Variants in PREX2 observed in about 807,000 individuals in gnomAD.
PREX2 encodes phosphatidylinositol-3,4,5-trisphosphate dependent Rac exchange factor 2.
A neutral mutation model predicts 203.2 loss-of-function variants in PREX2; 107 were observed. That is an observed-to-expected ratio of 0.53 (90% CI 0.45 to 0.62). The LOEUF is 0.62. Ranked by LOEUF, PREX2 falls within the 20% of genes least tolerant of loss-of-function variation. The pLI is 0.00. For synonymous variants in PREX2, 672 were observed against 663.6 expected, an observed-to-expected ratio of 1.01 and a Z score of -0.19; for missense variants, 1,777 against 1,955.9, an observed-to-expected ratio of 0.91 and a Z score of 1.72.
chr8:68,017,814 T>C, intron 1 of PREX2, 32 bp from the exon 2 acceptor site: 1 of 1,581,508 alleles, frequency 6.3e-7, no homozygotes, highest in Middle Eastern at 1.7e-4. Flanking sequence ...TAACCTAATG[T>C]TACCTTCATA....
At chr8:67,982,637 G>T (rs1429382721) in intron 1 of PREX2, among the ~76,000 whole-genome samples, 1 of 152,132 alleles carries the variant, frequency 6.6e-6, no homozygotes, top group Non-Finnish European at 1.5e-5. Context: ...CCTAATGAGA[G>T]CTGCTGATCA....
chr8:67,968,920 A>C (rs1805847282), intron 1 of PREX2, among the ~76,000 whole-genome samples: 1 of 152,204 alleles, frequency 6.6e-6, no homozygotes, highest in Admixed American at 6.5e-5. Context: ...GAAATAATGC[A>C]AGATACAGTG....
At chr8:68,169,131 C>T (rs894336907) in intron 35 of PREX2, among the ~76,000 whole-genome samples, 1 of 152,072 alleles carries the variant, frequency 6.6e-6, no homozygotes, top group Non-Finnish European at 1.5e-5. Flanking sequence ...AAGTTTCTTT[C>T]CTCTGTGTGG....
At chr8:68,049,945 G>A (rs922311465) in intron 8 of PREX2, among the ~76,000 whole-genome samples, 7 of 151,684 alleles carry the variant, frequency 4.6e-5, no homozygotes, top group African/African-American at 1.7e-4. Context: ...AAAATGAGAA[G>A]CAATTGCTTA....
At chr8:68,146,616 G>T (rs1811331107) in intron 34 of PREX2, among the ~76,000 whole-genome samples, 1 of 152,018 alleles carries the variant, frequency 6.6e-6, no homozygotes, top group African/African-American at 2.4e-5. Context: ...TAAATAAACT[G>T]CTTAAGTAAG....
intron 1 of PREX2, among the ~76,000 whole-genome samples, chr8:67,993,400 C>CTTTTTTTTTTTTTT (rs5892121): frequency 1.8e-5 from 2 of 108,228 alleles, no homozygotes. Context: ...TTACTTCAGT[C>CTTTTTTTTTTTTTT]TTTTTTTTTT....
chr8:67,981,521 T>C (rs12056847), intron 1 of PREX2, among the ~76,000 whole-genome samples: 33,559 of 152,126 alleles, frequency 0.22, 4,772 homozygotes, highest in East Asian at 0.54. Flanking sequence ...AGCTCTGTGA[T>C]GAGATGATCC....
At position 68,185,463 on chromosome 8, in the gene PREX2, G is replaced by A. The variant is rs183909540; in HGVS notation, c.4347-6259G>A. Among the ~76,000 whole-genome samples, 13 of 152,208 alleles carry A rather than the reference G, an allele frequency of 8.5e-5. No homozygotes were observed. The East Asian group carries it at 1.4e-3, about 16-fold the overall frequency. Reference sequence around the variant, plus strand: ...TGACCTGTCAGAATTCTACCCATGCGTCAAAGTCTAACTCCTATGCCATAT... The same window carrying A: ...TGACCTGTCAGAATTCTACCCATGCATCAAAGTCTAACTCCTATGCCATAT... On this transcript the variant is annotated intron_variant, in intron 35 of 39. Transcript: ENST00000288368.
Position 67,971,166 on chromosome 8 carries a change from G to A in PREX2, c.141+18631G>A, listed in dbSNP as rs1218691267. On this transcript the variant is annotated intron_variant, in intron 1 of 39. Coordinates refer to ENST00000288368, the MANE Select transcript of PREX2 (RefSeq NM_024870.4). ...ATTAGTAGACAGTGTGGGAGCTAGGGGAGATTTTTGAGCAAGGAAGTCAAA... is the reference window on the plus strand; with the variant it reads ...ATTAGTAGACAGTGTGGGAGCTAGGAGAGATTTTTGAGCAAGGAAGTCAAA... Among the ~76,000 whole-genome samples, 4 of 152,234 alleles carry A rather than the reference G, an allele frequency of 2.6e-5. No homozygotes were observed. The East Asian group carries it at 5.8e-4, about 22-fold the overall frequency.
intron 35 of PREX2, among the ~76,000 whole-genome samples, chr8:68,160,689 G>A (rs2129613991): frequency 6.6e-6 from 1 of 152,210 alleles, no homozygotes; most frequent in South Asian, 2.1e-4. Context: ...GTTCAAAATA[G>A]GATCATAAGT....
At chr8:68,067,692 C>T (rs956588953) in intron 11 of PREX2, among the ~76,000 whole-genome samples, 1 of 151,874 alleles carries the variant, frequency 6.6e-6, no homozygotes, top group African/African-American at 2.4e-5. Flanking sequence ...TACTTCTTTC[C>T]AATTGAATGT....
chr8:67,991,283 A>G (rs1472730591), intron 1 of PREX2, among the ~76,000 whole-genome samples: 1 of 152,178 alleles, frequency 6.6e-6, no homozygotes, highest in Non-Finnish European at 1.5e-5. Flanking sequence ...CAGAGTTCAT[A>G]TGCTTCATCT....
chr8:68,164,782 A>G (rs1359341788), intron 35 of PREX2, among the ~76,000 whole-genome samples: 1 of 150,292 alleles, frequency 6.7e-6, no homozygotes, highest in Non-Finnish European at 1.5e-5. Flanking sequence ...GGGTTTCTCC[A>G]TGTTGGTCAG....
chr8:68,170,336 A>G (rs1811850586), intron 35 of PREX2, among the ~76,000 whole-genome samples: 1 of 152,220 alleles, frequency 6.6e-6, no homozygotes, highest in African/African-American at 2.4e-5. Context: ...TTTGTATTTC[A>G]TGCATCGATT....
chr8:68,019,707 T>C, intron 3 of PREX2, 36 bp downstream of exon 3: 7 of 1,579,648 alleles, frequency 4.4e-6, no homozygotes, highest in Non-Finnish European at 6.0e-6. Context: ...AAAGTTCTTT[T>C]CCCCTAGATT....
At chr8:68,098,307 T>C (rs1033838012) in intron 22 of PREX2, among the ~76,000 whole-genome samples, 1 of 152,202 alleles carries the variant, frequency 6.6e-6, no homozygotes, top group Non-Finnish European at 1.5e-5. Context: ...TTGAGATAGA[T>C]GTAGCATTTC....
intron 11 of PREX2, among the ~76,000 whole-genome samples, chr8:68,064,803 C>T (rs960623770): frequency 2.0e-5 from 3 of 152,066 alleles, no homozygotes; most frequent in Non-Finnish European, 2.9e-5. Flanking sequence ...TGAGTGCCAC[C>T]GCACCTTTAA....
chr8:68,225,913 G>A (rs1394351485), intron 39 of PREX2, among the ~76,000 whole-genome samples: 1 of 152,186 alleles, frequency 6.6e-6, no homozygotes, highest in Non-Finnish European at 1.5e-5. Flanking sequence ...GGCTCAGCAA[G>A]GTGTTCTTAG....
chr8:68,169,438 C>T (rs183719766), intron 35 of PREX2, among the ~76,000 whole-genome samples: 12 of 152,050 alleles, frequency 7.9e-5, no homozygotes, highest in Admixed American at 1.3e-4. Context: ...ATGGAACAGA[C>T]GTGGAACAGG....
Sources: gnomAD v4.1 joint callset for allele counts (sites outside exome capture counted in the v4.1 genomes callset) on GRCh38, gnomAD v4.1.1 for gene constraint, MANE v1.5 for transcripts, NCBI Gene and HGNC (gene_info 2026-07-23, HGNC 2026-07-21) for gene names.